RIOX2: variants seen among roughly 807,000 people sequenced by gnomAD.
RIOX2 encodes the protein 60S ribosomal protein L27a histidine hydroxylase.
Under a neutral mutation model 51.2 loss-of-function variants are expected in RIOX2, and 43 were observed. The ratio of observed to expected loss-of-function variants is 0.84; its 90% CI spans 0.66 to 1.08. RIOX2 has a LOEUF of 1.08. RIOX2 is among the 50% of genes least tolerant of loss of function. The pLI is 0.00. For missense variants in RIOX2, 566 were observed against 561.7 expected (o/e 1.01, Z -0.08); for synonymous variants, 226 against 218.5 (o/e 1.03, Z -0.30).
rs755023106 is a variant in RIOX2 at position 97,950,873 on chromosome 3, G to C, written c.801C>G (p.Phe267Leu). 3.7e-6 allele frequency: 6 copies of C among 1,613,156 alleles called. No individual in the cohort carries two copies. Among genetic ancestry groups the C allele is most frequent in the Non-Finnish European group, 5.1e-6 (6 of 1,179,528 alleles). ...CAAGCCCCGAGATGGTATCCAAAAG[G>C]AAATCTCCCCATGAACTAGGATATG... ...STYQNNSWGD[F>L]LLDTISGLVF... is the part of the protein sequence containing the mutation. The change falls in exon 6 of 10, where the codon TTC becomes TTG. Residue 267 changes from phenylalanine (F) to leucine (L), a missense_variant. Transcript: ENST00000394198.
At chr3:97,959,826 G>A (rs1355125716) in intron 3 of RIOX2, among the ~76,000 whole-genome samples, 1 of 152,042 alleles carries the variant, frequency 6.6e-6, no homozygotes, top group African/African-American at 2.4e-5. Flanking sequence ...TATTACAGAA[G>A]GTTAAAATTT....
At chr3:97,960,872 G>A (rs1432959614) in intron 3 of RIOX2, among the ~76,000 whole-genome samples, 2 of 152,088 alleles carry the variant, frequency 1.3e-5, no homozygotes, top group African/African-American at 2.4e-5. Context: ...TGGGGAGATA[G>A]GAAAACTTCG....
At chr3:97,946,586 G>GTGTATATATATATATATATATATATA (rs143245408) in intron 8 of RIOX2, among the ~76,000 whole-genome samples, 1 of 127,634 alleles carries the variant, frequency 7.8e-6, no homozygotes. Context: ...TTTTGAGGAT[G>GTGTATATATATATATATATATATATA]TATATATATA....
Position 97,942,734 on chromosome 3 carries a change from A to G in RIOX2, c.*2450T>C. On this transcript the variant is annotated 3_prime_UTR_variant, in exon 10 of 10. Transcript: ENST00000394198. ...CACCATAAACCATGAAATGAATGTC[A>G]TCTGTTTCTTAGAAACATCTCTAGC... is the stretch of plus-strand genomic sequence containing the variant. 3.8e-6 allele frequency: 1 copy of G among 264,314 alleles called. No homozygotes were observed. The highest frequency in any genetic ancestry group is 7.0e-6 in the Non-Finnish European group (1 of 143,168). The allele number at this position is 264,314 out of a possible 1,614,324, so 16.4% of individuals were successfully genotyped here. A position where few individuals can be genotyped will look rare whatever the true frequency, so the allele number is the denominator to read the frequency against.
chr3:97,945,602 T>A lies in RIOX2; in HGVS notation c.1239+196A>T. The A allele has an allele frequency of 4.9e-6, 3 of 614,442 alleles. No individual in the cohort carries two copies. The East Asian group carries it at 8.3e-5, about 17-fold the overall frequency. 38.1% of individuals were successfully genotyped at this position (614,442 alleles called of 1,614,324 possible). A position where few individuals can be genotyped will look rare whatever the true frequency, so the allele number is the denominator to read the frequency against. On this transcript the variant is annotated intron_variant, in intron 9 of 9. Coordinates refer to ENST00000394198, the MANE Select transcript of RIOX2 (RefSeq NM_153182.4). ...AAGGCTACAGGTCCCAGCTAGTATG[T>A]CTTAAAACTGGTGTGCATGTATCAC...
In RIOX2 at chr3:97,942,688, A is replaced by G. The variant is rs1452371755; in HGVS notation, c.*2496T>C. 2.8e-6 allele frequency: 1 copy of G among 352,446 alleles called. No individual in the cohort carries two copies. Among genetic ancestry groups the G allele is most frequent in the African/African-American group, 2.1e-5 (1 of 47,270 alleles). 21.8% of individuals were successfully genotyped at this position (352,446 alleles called of 1,614,324 possible). On this transcript the variant is annotated 3_prime_UTR_variant, in exon 10 of 10. Transcript: ENST00000394198. The stretch of plus-strand genomic sequence containing the variant: ...AAACTTTCATTTGCTACGTGAACTC[A>G]GAACAGTTCTAAATTTCAAGCACCA...
At position 97,944,850 on chromosome 3, in the gene RIOX2, T is replaced by C. The variant is rs1433908580; in HGVS notation, c.*334A>G. 1 of 172,486 alleles carries C rather than the reference T, an allele frequency of 5.8e-6. No individual in the cohort carries two copies. Among genetic ancestry groups the C allele is most frequent in the Non-Finnish European group, 1.2e-5 (1 of 81,708 alleles). The allele number at this position is 172,486 out of a possible 1,614,324, so 10.7% of individuals were successfully genotyped here. ...TTTTTCTAGAGCCAAAGAAGCTCTT[T>C]AAAGAAGTTGTTTCTTCCAAAGAAC... On this transcript the variant is annotated 3_prime_UTR_variant, in exon 10 of 10. Coordinates refer to ENST00000394198, the MANE Select transcript of RIOX2 (RefSeq NM_153182.4).
chr3:97,956,228 T>C (rs1458597135), intron 4 of RIOX2, among the ~76,000 whole-genome samples: 3 of 152,210 alleles, frequency 2.0e-5, no homozygotes, highest in African/African-American at 7.2e-5. Context: ...AGTCTGTTGT[T>C]GACTAAAATG....
At chr3:97,946,594 ATATATATATATATCTATTCATG>A (rs2040368441) in intron 8 of RIOX2, among the ~76,000 whole-genome samples, 3 of 130,242 alleles carry the variant, frequency 2.3e-5, no homozygotes, top group African/African-American at 8.5e-5. Flanking sequence ...ATGTATATAT[ATATATATATATATCTATTCATG>A]TATATTCATA....
intron 2 of RIOX2, among the ~76,000 whole-genome samples, chr3:97,964,241 A>G (rs2107187271): frequency 6.6e-6 from 1 of 152,348 alleles, no homozygotes; most frequent in African/African-American, 2.4e-5. Context: ...TGCCTAAAGA[A>G]AGGCAAAAGC....
Position 97,945,822 on chromosome 3 carries a change from C to A in RIOX2, c.1215G>T (p.Met405Ile), listed in dbSNP as rs1037111656. 375 of 1,610,660 alleles carry A rather than the reference C, an allele frequency of 2.3e-4. No individual in the cohort carries two copies. Among genetic ancestry groups the A allele is most frequent in the Non-Finnish European group, 3.0e-4 (359 of 1,177,436 alleles). The change falls in exon 9 of 10, where the codon ATG becomes ATT. Residue 405 changes from methionine (M) to isoleucine (I), a missense_variant. By Grantham distance (10) the Met-to-Ile change is conservative. Coordinates refer to ENST00000394198, the MANE Select transcript of RIOX2 (RefSeq NM_153182.4). ...HSLKNSRETH[M>I]MGNEEETEFH... ...CCTCTGTTTCCTCCTCATTTCCCAT[C>A]ATGTGTGTCTCTCTACTATTCTTTA...
chr3:97,946,604 A>ATATATATATATATATC lies in RIOX2; in HGVS notation c.1150-718_1150-717insGATATATATATATATA, dbSNP rs1553712244. Reference sequence around the variant, plus strand: ...TGAGGATGTATATATATATATATATATATCTATTCATGTATATTCATATAT... The same window carrying ATATATATATATATATC: ...TGAGGATGTATATATATATATATATATATATATATATATATCTATCTATTCATGTATATTCATATAT... On this transcript the variant is annotated intron_variant, in intron 8 of 9. Coordinates refer to ENST00000394198, the MANE Select transcript of RIOX2 (RefSeq NM_153182.4). Among the ~76,000 whole-genome samples, 754 of 139,636 alleles carry ATATATATATATATATC rather than the reference A, an allele frequency of 5.4e-3. 5 individuals are homozygous for ATATATATATATATATC. The highest frequency in any genetic ancestry group is 0.014 in the African/African-American group (503 of 36,700). The allele number at this position is 139,636 out of a possible 152,430, so 91.6% of individuals were successfully genotyped here.
chr3:97,951,474 T>G (rs1471096201), intron 5 of RIOX2, among the ~76,000 whole-genome samples: 3 of 152,170 alleles, frequency 2.0e-5, no homozygotes, highest in African/African-American at 7.2e-5. Flanking sequence ...TAGAAGCCAG[T>G]GACTAAAAAT....
At chr3:97,953,220 T>G (rs1685917924) in intron 5 of RIOX2, among the ~76,000 whole-genome samples, 1 of 152,114 alleles carries the variant, frequency 6.6e-6, no homozygotes, top group Admixed American at 6.6e-5. Context: ...TCCAAGAGTC[T>G]CCTCTGCAAA....
At chr3:97,954,747 C>T (rs1705392395) in intron 4 of RIOX2, among the ~76,000 whole-genome samples, 1 of 152,140 alleles carries the variant, frequency 6.6e-6, no homozygotes, top group South Asian at 2.1e-4. Flanking sequence ...TTTTCATTCT[C>T]AAGCTGAGAC....
chr3:97,957,163 G>A (rs1364489502), intron 4 of RIOX2, among the ~76,000 whole-genome samples: 1 of 151,800 alleles, frequency 6.6e-6, no homozygotes, highest in Non-Finnish European at 1.5e-5. Context: ...TCATCATTGG[G>A]CATTGACACA....
intron 2 of RIOX2, among the ~76,000 whole-genome samples, chr3:97,964,349 T>G (rs1205598012): frequency 2.0e-5 from 3 of 152,122 alleles, no homozygotes; most frequent in Non-Finnish European, 4.4e-5. Flanking sequence ...CAGCTTGGAA[T>G]AGTTATGGAA....
rs1003599225 is a variant in RIOX2, at chr3:97,949,688, C to T, written c.1060+156G>A. ...AGGTTGCTAAAGGTTGAGTGCAGCA[C>T]ATCTCGTCTGCCCATATTCACTAAG... On this transcript the variant is annotated intron_variant, in intron 7 of 9. Coordinates refer to ENST00000394198, the MANE Select transcript of RIOX2 (RefSeq NM_153182.4). Among the ~76,000 whole-genome samples, 4 of 152,266 alleles carry T rather than the reference C, an allele frequency of 2.6e-5. No individual in the cohort carries two copies. In the East Asian group the frequency reaches 7.7e-4, roughly 29 times the overall value.
At chr3:97,969,951 T>C (rs184861248) in intron 1 of RIOX2, among the ~76,000 whole-genome samples, 2 of 152,336 alleles carry the variant, frequency 1.3e-5, no homozygotes, top group Admixed American at 1.3e-4. Context: ...GTTTAATTTT[T>C]AAAAACTTAG....
Sources: gnomAD v4.1 joint callset for allele counts (sites outside exome capture counted in the v4.1 genomes callset) on GRCh38, gnomAD v4.1.1 for gene constraint, MANE v1.5 for transcripts, NCBI Gene and HGNC (gene_info 2026-07-23, HGNC 2026-07-21) for gene names.